Variants in CUL1 observed in about 807,000 individuals in gnomAD.
The protein encoded by CUL1 is cullin-1.
CUL1 carries 24 observed loss-of-function variants against 118.0 expected under a neutral mutation model. The observed-to-expected ratio is 0.20, with a 90% CI of 0.15 to 0.29. The LOEUF (loss-of-function observed/expected upper bound fraction) is 0.29, where lower values mean the gene tolerates loss of function less well. Ranked by LOEUF, CUL1 falls within the 10% of genes least tolerant of loss-of-function variation. The pLI is 1.00. For synonymous variants in CUL1, 332 were observed against 340.4 expected, an observed-to-expected ratio of 0.98 and a Z score of 0.27; for missense variants, 361 against 933.8, an observed-to-expected ratio of 0.39 and a Z score of 7.99.
Position 148,800,552 on chromosome 7 carries a change from T to C in CUL1, c.2301T>C (p.Gly767=). The change falls in exon 22 of 22, where the codon GGT becomes GGC. Residue 767 remains glycine, a synonymous_variant. Coordinates refer to ENST00000325222, the MANE Select transcript of CUL1 (RefSeq NM_003592.3). The surrounding 1 kb of genome is among the most constrained non-coding windows in gnomAD (Gnocchi z 4.6). ...AAGAATATTTGGAGCGAGTGGATGG[T>C]GAAAAGGACACCTACAGTTACTTGG... is the stretch of plus-strand genomic sequence containing the variant. ...IEKEYLERVD[G]EKDTYSYLA 1.2e-6 allele frequency: 2 copies of C among 1,613,864 alleles called. No homozygotes were observed. The highest frequency in any genetic ancestry group is 1.7e-6 in the Non-Finnish European group (2 of 1,179,768).
chr7:148,790,867 G>A (rs1800979405), intron 16 of CUL1, among the ~76,000 whole-genome samples: 1 of 152,180 alleles, frequency 6.6e-6, no homozygotes, highest in South Asian at 2.1e-4. Context: ...ACTCAGTGCT[G>A]ACAACAATAT....
rs567944677 is a variant in CUL1 at position 148,707,844 on chromosome 7, T to C, written c.-162+8815T>C. 9.9e-4 allele frequency among the ~76,000 whole-genome samples: 151 copies of C among 152,350 alleles called. 1 individual carries two copies. Among genetic ancestry groups the C allele is most frequent in the Non-Finnish European group, 1.8e-3 (123 of 68,030 alleles). Reference sequence around the variant, plus strand: ...TAGATTTGTACTTGATTCATTAGATTGGTTCTCTTGCATTTCCAATTCATG... The same window carrying C: ...TAGATTTGTACTTGATTCATTAGATCGGTTCTCTTGCATTTCCAATTCATG... On this transcript the variant is annotated intron_variant, in intron 1 of 21. Transcript: ENST00000325222.
chr7:148,702,040 T>C (rs1797734859), intron 1 of CUL1, among the ~76,000 whole-genome samples: 1 of 152,194 alleles, frequency 6.6e-6, no homozygotes, highest in Non-Finnish European at 1.5e-5. Context: ...TTTGGTAGTT[T>C]ATCAGTGTGT....
intron 1 of CUL1, among the ~76,000 whole-genome samples, chr7:148,726,851 T>A (rs1019057): frequency 0.34 from 41,824 of 124,708 alleles, 5,960 homozygotes; most frequent in South Asian, 0.4. Flanking sequence ...AAAAAAAAAA[T>A]TTTTTTTTAA....
chr7:148,744,423 TGTG>T (rs1799244037), intron 2 of CUL1, among the ~76,000 whole-genome samples: 2 of 138,004 alleles, frequency 1.4e-5, no homozygotes, highest in Non-Finnish European at 3.2e-5. Flanking sequence ...TGTGTGTGTG[TGTG>T]TGTGTGTGTG....
At chr7:148,698,482 T>TCCGGCGCGC (rs1797592012), upstream of CUL1, 2 of 151,718 alleles carry the variant, frequency 1.3e-5, no homozygotes, top group South Asian at 4.2e-4. Flanking sequence ...TGGCAGAGAA[T>TCCGGCGCGC]CCGGCGCGCC....
chr7:148,724,548 C>G (rs1798498969), intron 1 of CUL1, among the ~76,000 whole-genome samples: 1 of 152,136 alleles, frequency 6.6e-6, no homozygotes, highest in Admixed American at 6.5e-5. Flanking sequence ...GCTTCTTGTC[C>G]TTGACTAATT....
chr7:148,796,331 A>G (rs1313910958), intron 17 of CUL1, among the ~76,000 whole-genome samples: 1 of 152,116 alleles, frequency 6.6e-6, no homozygotes, highest in Non-Finnish European at 1.5e-5. Context: ...TGGTCATGGT[A>G]TATAATCCTT....
intron 9 of CUL1, among the ~76,000 whole-genome samples, chr7:148,780,506 G>A (rs1584812299): frequency 2.0e-5 from 3 of 152,232 alleles, no homozygotes; most frequent in South Asian, 2.1e-4. Context: ...CGAGCCGCTG[G>A]GTGAGTGGTG....
chr7:148,759,484 G>T (rs1347033010), intron 5 of CUL1, 64 bp from the exon 6 acceptor site: 1 of 1,349,330 alleles, frequency 7.4e-7, no homozygotes, highest in Non-Finnish European at 1.1e-6. Flanking sequence ...ATGTTTAAGG[G>T]ATATGTAGTA....
chr7:148,790,631 G>C (rs1800970842), intron 16 of CUL1, among the ~76,000 whole-genome samples, 190 bp downstream of exon 16: 1 of 152,202 alleles, frequency 6.6e-6, no homozygotes, highest in African/African-American at 2.4e-5. Flanking sequence ...TGGGGAGCAA[G>C]TTATTTAATG....
intron 7 of CUL1, among the ~76,000 whole-genome samples, chr7:148,766,344 T>G (rs559934337): frequency 5.9e-5 from 9 of 152,272 alleles, no homozygotes; most frequent in Admixed American, 5.2e-4. Flanking sequence ...CAGGCTGGTC[T>G]CAAAATCCTG....
chr7:148,730,585 G>T (rs1266662482), intron 2 of CUL1, among the ~76,000 whole-genome samples: 1 of 152,126 alleles, frequency 6.6e-6, no homozygotes, highest in Non-Finnish European at 1.5e-5. Context: ...GGCAAAGCTG[G>T]TCTAAAGCAA....
At chr7:148,773,898 G>A (rs1800307904) in intron 9 of CUL1, among the ~76,000 whole-genome samples, 1 of 152,162 alleles carries the variant, frequency 6.6e-6, no homozygotes, top group African/African-American at 2.4e-5. Context: ...ATGTCCGTGT[G>A]AACGTCCCTC....
At chr7:148,758,080 G>A (rs555434562) in intron 4 of CUL1, among the ~76,000 whole-genome samples, 1 of 152,248 alleles carries the variant, frequency 6.6e-6, no homozygotes, top group Admixed American at 6.5e-5. Context: ...ACATTCTCAG[G>A]CCTCATCCTA....
intron 8 of CUL1, among the ~76,000 whole-genome samples, chr7:148,767,021 T>G (rs1800028460): frequency 6.6e-6 from 1 of 152,220 alleles, no homozygotes; most frequent in Non-Finnish European, 1.5e-5. Context: ...ATGAGGAGAC[T>G]GTCATCTTAT....
chr7:148,780,296 G>A (rs1001768032), intron 9 of CUL1, among the ~76,000 whole-genome samples: 1 of 152,186 alleles, frequency 6.6e-6, no homozygotes, highest in Non-Finnish European at 1.5e-5. Flanking sequence ...GCTTTGTAAT[G>A]GACAGGTTTT....
chr7:148,774,537 G>A (rs1362424393), intron 9 of CUL1, among the ~76,000 whole-genome samples: 1 of 152,194 alleles, frequency 6.6e-6, no homozygotes, highest in East Asian at 1.9e-4. Context: ...CAGTTGCTCA[G>A]CAGTCTGGAT....
At chr7:148,788,853 A>T (rs1800908930) in intron 14 of CUL1, among the ~76,000 whole-genome samples, 179 bp downstream of exon 14, 1 of 152,236 alleles carries the variant, frequency 6.6e-6, no homozygotes, top group African/African-American at 2.4e-5. Context: ...TGACATTAGG[A>T]GATGACAACC....
Sources: gnomAD v4.1 joint callset for allele counts (sites outside exome capture counted in the v4.1 genomes callset) on GRCh38, gnomAD v4.1.1 for gene constraint, Gnocchi (gnomAD v3.1) non-coding constraint, MANE v1.5 for transcripts, NCBI Gene and HGNC (gene_info 2026-07-23, HGNC 2026-07-21) for gene names.